VBP1: variants seen among roughly 807,000 people sequenced by gnomAD.
VBP1 encodes VHL binding protein 1.
In VBP1, 4 loss-of-function variants were observed where a neutral mutation model predicts 15.5. The observed-to-expected ratio is 0.26, with a 90% CI of 0.13 to 0.59. The LOEUF is 0.59. Among genes scored for constraint, VBP1 ranks in the 20% least tolerant of loss-of-function variants. The pLI is 0.90. For missense variants in VBP1, 108 were observed against 139.6 expected, an observed-to-expected ratio of 0.77 and a Z score of 1.14; for synonymous variants, 61 against 52.1, an observed-to-expected ratio of 1.17 and a Z score of -0.74.
intron 1 of VBP1, among the ~76,000 whole-genome samples, chrX:155,201,908 A>G (rs1326893745): frequency 8.9e-6 from 1 of 112,089 alleles, no homozygotes; most frequent in Non-Finnish European, 1.9e-5. Flanking sequence ...TAACTTCAGC[A>G]AAGTCTCAGG....
chrX:155,229,728 G>A (rs2074736885), intron 4 of VBP1, among the ~76,000 whole-genome samples: 1 of 111,402 alleles, frequency 9.0e-6, no homozygotes, highest in Admixed American at 9.5e-5. Flanking sequence ...CATTCCTCTT[G>A]AATGTTTAAA....
At chrX:155,238,051 C>T (rs959530755) in intron 5 of VBP1, among the ~76,000 whole-genome samples, 84 of 111,276 alleles carry the variant, frequency 7.5e-4, no homozygotes, top group African/African-American at 2.3e-3. Flanking sequence ...AGATATTAAA[C>T]GTGTGAGAAA....
intron 4 of VBP1, among the ~76,000 whole-genome samples, chrX:155,230,040 C>T (rs2074738098): frequency 1.8e-5 from 2 of 111,351 alleles, no homozygotes; most frequent in Admixed American, 1.9e-4. Flanking sequence ...ATAAAATTAC[C>T]ACAAACTGGG....
intron 2 of VBP1, among the ~76,000 whole-genome samples, chrX:155,225,821 G>A (rs2074717099): frequency 9.0e-6 from 1 of 111,706 alleles, no homozygotes; most frequent in South Asian, 3.7e-4. Context: ...ATGGCATCCA[G>A]ATTGAATTGT....
At chrX:155,208,064 T>G (rs782629458) in intron 1 of VBP1, among the ~76,000 whole-genome samples, 6 of 111,653 alleles carry the variant, frequency 5.4e-5, no homozygotes, top group African/African-American at 1.6e-4. Context: ...GAGGGAGAAG[T>G]GAGGGAAAAG....
intron 5 of VBP1, 113 bp downstream of exon 5, chrX:155,236,480 G>A (rs1557311596): frequency 1.1e-6 from 1 of 871,526 alleles, no homozygotes; most frequent in Non-Finnish European, 1.6e-6. Context: ...TGCATGCTGG[G>A]CTTAATACCT....
chrX:155,211,706 T>C (rs782739617), upstream of VBP1, among the ~76,000 whole-genome samples: 13 of 112,316 alleles, frequency 1.2e-4, no homozygotes, highest in Non-Finnish European at 2.1e-4. Context: ...CTGAATGCTC[T>C]CTCTTATCTG....
At chrX:155,235,021 G>C (rs2074765045) in intron 4 of VBP1, among the ~76,000 whole-genome samples, 1 of 111,165 alleles carries the variant, frequency 9.0e-6, no homozygotes, top group South Asian at 3.7e-4. Context: ...TTTTTGCCTG[G>C]ATGCTCAAAG....
intron 1 of VBP1, among the ~76,000 whole-genome samples, chrX:155,206,486 G>A (rs1557308057): frequency 9.0e-6 from 1 of 110,766 alleles, no homozygotes; most frequent in African/African-American, 3.3e-5. Context: ...TGCCTGCCTC[G>A]GCCTCCCAAA....
chrX:155,200,178 C>A (rs1210308778), intron 1 of VBP1, among the ~76,000 whole-genome samples: 1 of 105,600 alleles, frequency 9.5e-6, no homozygotes, highest in Non-Finnish European at 1.9e-5. Context: ...TAACACCCCA[C>A]TGTCAACATT....
chrX:155,216,491 C>T lies in VBP1; in HGVS notation c.9C>T (p.Ala3=), dbSNP rs374617949. ...GCGCTCGCATCCCCAAGATGGCGGC[C>T]GTTAAGGACAGTTGTGGCAAAGGAG... MA[A]VKDSCGKGEM... Residue 3 remains alanine (A), a synonymous_variant, in exon 1 of 6, where the codon GCC becomes GCT. Transcript: ENST00000286428. 26 of 1,167,229 alleles carry T rather than the reference C, an allele frequency of 2.2e-5. No individual in the cohort carries two copies. The highest frequency in any genetic ancestry group is 2.9e-5 in the Non-Finnish European group (25 of 872,900).
Position 155,238,797 on chromosome X carries a change from T to C in VBP1, c.549T>C (p.Asp183=). Residue 183 remains aspartate, a synonymous_variant, in exon 6 of 6, where the codon GAT becomes GAC. Transcript: ENST00000286428. ...EVNMARVYNW[D]VKRRNKDDST... is the part of the protein sequence containing the mutation. ...ATATGGCCAGGGTTTATAATTGGGA[T>C]GTAAAAAGAAGAAACAAGGATGACT... 8.3e-7 allele frequency: 1 copy of C among 1,206,695 alleles called. No homozygotes were observed. Among genetic ancestry groups the C allele is most frequent in the Non-Finnish European group, 1.1e-6 (1 of 893,511 alleles).
At chrX:155,198,952 C>T (rs1441612622) in intron 1 of VBP1, among the ~76,000 whole-genome samples, 1 of 111,528 alleles carries the variant, frequency 9.0e-6, no homozygotes, top group African/African-American at 3.3e-5. Flanking sequence ...TCGAGAACTA[C>T]GTGAAGAATG....
intron 1 of VBP1, among the ~76,000 whole-genome samples, chrX:155,203,668 G>C (rs2074615660): frequency 9.3e-6 from 1 of 107,075 alleles, no homozygotes; most frequent in Non-Finnish European, 1.9e-5. Context: ...TAAATGACGA[G>C]TTAATGGGTG....
chrX:155,208,469 G>T (rs781896538), intron 1 of VBP1, among the ~76,000 whole-genome samples: 1 of 112,143 alleles, frequency 8.9e-6, no homozygotes, highest in Non-Finnish European at 1.9e-5. Flanking sequence ...TTTCATGAAA[G>T]ATACATACAT....
intron 1 of VBP1, among the ~76,000 whole-genome samples, chrX:155,208,577 A>G (rs993952460): frequency 8.9e-6 from 1 of 112,034 alleles, no homozygotes; most frequent in Non-Finnish European, 1.9e-5. Flanking sequence ...TCTGTCTTGA[A>G]AAGAGTCATT....
At chrX:155,201,976 A>T (rs2124035475) in intron 1 of VBP1, among the ~76,000 whole-genome samples, 1 of 111,759 alleles carries the variant, frequency 8.9e-6, no homozygotes, top group Admixed American at 9.5e-5. Context: ...ACAGACAAAC[A>T]GAGAGCCAAA....
chrX:155,216,449 G>T (rs1557309002), upstream of VBP1: 1 of 1,162,153 alleles, frequency 8.6e-7, no homozygotes. Context: ...GCGGCCGGCG[G>T]CCCGGGAGGC....
intron 1 of VBP1, among the ~76,000 whole-genome samples, chrX:155,203,325 G>A (rs1161607083): frequency 6.3e-5 from 7 of 110,822 alleles, no homozygotes; most frequent in African/African-American, 2.3e-4. Context: ...GTTTATTGTG[G>A]CACTATTCAC....
Sources: allele counts gnomAD v4.1 joint callset (sites outside exome capture counted in the v4.1 genomes callset), GRCh38; gene constraint gnomAD v4.1.1; transcripts MANE v1.5; gene names NCBI Gene and HGNC (gene_info 2026-07-23, HGNC 2026-07-21).